Variants in FBXO25 observed in about 807,000 individuals in gnomAD.
The protein encoded by FBXO25 is F-box only protein 25.
A neutral mutation model predicts 51.9 loss-of-function variants in FBXO25; 45 were observed. The observed-to-expected ratio is 0.87, with a 90% CI of 0.68 to 1.11. The LOEUF (loss-of-function observed/expected upper bound fraction) is 1.11. Ranked by LOEUF, FBXO25 falls within the 50% of genes most tolerant of loss-of-function variation. The pLI is 0.00. For missense variants in FBXO25, 507 were observed against 428.5 expected (o/e 1.18, Z -1.62); for synonymous variants, 199 against 151.0 (o/e 1.32, Z -2.33).
At chr8:417,007 T>A (rs1444836903) in intron 2 of FBXO25, among the ~76,000 whole-genome samples, 1 of 152,120 alleles carries the variant, frequency 6.6e-6, no homozygotes, top group South Asian at 2.1e-4. Context: ...GAGAGCAGGA[T>A]GAATGGATAT....
chr8:434,672 A>G (rs993052719), intron 4 of FBXO25, among the ~76,000 whole-genome samples: 5 of 151,896 alleles, frequency 3.3e-5, no homozygotes, highest in African/African-American at 4.8e-5. Context: ...GTTTTCTATT[A>G]TTTTTTTCTA....
At chr8:429,187 A>C (rs1200479005) in intron 2 of FBXO25, among the ~76,000 whole-genome samples, 1 of 151,934 alleles carries the variant, frequency 6.6e-6, no homozygotes, top group East Asian at 1.9e-4. Context: ...GTTTCCCCAC[A>C]TGCATGTCAA....
chr8:453,845 G>A (rs934296531), intron 7 of FBXO25, among the ~76,000 whole-genome samples: 19 of 151,952 alleles, frequency 1.3e-4, no homozygotes, highest in Non-Finnish European at 1.9e-4. Flanking sequence ...ACCCCTGGCC[G>A]GGCGCGGTGG....
chr8:422,984 C>A (rs1482490039), intron 2 of FBXO25, among the ~76,000 whole-genome samples: 1 of 144,890 alleles, frequency 6.9e-6, no homozygotes, highest in Non-Finnish European at 1.5e-5. Flanking sequence ...AACTTATGCT[C>A]CATTTGGAAT....
intron 2 of FBXO25, among the ~76,000 whole-genome samples, chr8:418,930 G>C (rs750585367): frequency 6.6e-6 from 1 of 152,114 alleles, no homozygotes; most frequent in East Asian, 1.9e-4. Context: ...GGCTAAAACT[G>C]TAAAGTTTTA....
chr8:438,926 G>A (rs921726016), intron 5 of FBXO25, among the ~76,000 whole-genome samples: 6 of 152,188 alleles, frequency 3.9e-5, no homozygotes, highest in African/African-American at 1.4e-4. Flanking sequence ...CCCCATCCCA[G>A]TTGAGCCCCA....
chr8:416,377 T>G (rs1034834007), intron 2 of FBXO25, among the ~76,000 whole-genome samples: 1 of 152,374 alleles, frequency 6.6e-6, no homozygotes, highest in African/African-American at 2.4e-5. Flanking sequence ...TAGGTTGATT[T>G]AAAATTTTCA....
At chr8:462,858 C>A in intron 8 of FBXO25, 149 bp from the exon 9 acceptor site, 1 of 844,986 alleles carries the variant, frequency 1.2e-6, no homozygotes, top group Non-Finnish European at 1.8e-6. Context: ...ACAATTCATC[C>A]ATGTAACCAA....
At chr8:454,101 G>C (rs1027257158) in intron 7 of FBXO25, among the ~76,000 whole-genome samples, 3 of 152,044 alleles carry the variant, frequency 2.0e-5, no homozygotes, top group Non-Finnish European at 4.4e-5. Context: ...TCCAGCGTGG[G>C]CGACAAGAGT....
At chr8:437,882 T>C (rs1158579619) in intron 5 of FBXO25, among the ~76,000 whole-genome samples, 1 of 152,208 alleles carries the variant, frequency 6.6e-6, no homozygotes. Flanking sequence ...CTAAATAATT[T>C]GATTTTCCAT....
chr8:444,802 T>G (rs1255462120), intron 5 of FBXO25, among the ~76,000 whole-genome samples: 2 of 152,224 alleles, frequency 1.3e-5, no homozygotes, highest in African/African-American at 4.8e-5. Flanking sequence ...GCCATTATGT[T>G]ACAGTTGCTG....
chr8:468,332 C>G (rs1195754409), intron 9 of FBXO25: 2 of 914,178 alleles, frequency 2.2e-6, no homozygotes, highest in African/African-American at 3.6e-5. Flanking sequence ...GAGCCAGGAA[C>G]AGGAGGACAG....
Position 420,078 on chromosome 8 carries a change from A to G in FBXO25, c.134+6865A>G, listed in dbSNP as rs1378724755. Reference sequence around the variant, plus strand: ...ATTGTTAGGGAAACAAATGCAAGCAATCCGGAAGGTAAACACTGCAGCTAG... The same window carrying G: ...ATTGTTAGGGAAACAAATGCAAGCAGTCCGGAAGGTAAACACTGCAGCTAG... On this transcript the variant is annotated intron_variant, in intron 2 of 9. Coordinates refer to ENST00000350302, the MANE Select transcript of FBXO25 (RefSeq NM_183420.2). Among the ~76,000 whole-genome samples the G allele has an allele frequency of 2.0e-5, 3 of 152,070 alleles. No homozygotes were observed. In the East Asian group the frequency reaches 5.8e-4, roughly 29 times the overall value.
intron 5 of FBXO25, among the ~76,000 whole-genome samples, chr8:447,275 G>A (rs946529127): frequency 6.6e-6 from 1 of 152,124 alleles, no homozygotes; most frequent in Non-Finnish European, 1.5e-5. Flanking sequence ...AGCGGCTGGG[G>A]GAGAGAGTGG....
At chr8:407,306 G>A (rs1796212070) in intron 1 of FBXO25, 1 of 934,714 alleles carries the variant, frequency 1.1e-6, no homozygotes, top group African/African-American at 1.9e-5. Context: ...AGGTGGGGAC[G>A]GGGTTGTCGC....
At chr8:466,842 C>G (rs1001924091) in intron 9 of FBXO25, among the ~76,000 whole-genome samples, 1 of 152,194 alleles carries the variant, frequency 6.6e-6, no homozygotes, top group African/African-American at 2.4e-5. Context: ...CAAAGACTGA[C>G]TTCGATGGCC....
intron 7 of FBXO25, among the ~76,000 whole-genome samples, chr8:452,559 GTGA>G (rs1799164013): frequency 6.6e-6 from 1 of 152,242 alleles, no homozygotes; most frequent in Non-Finnish European, 1.5e-5. Flanking sequence ...ATCCGTGGTA[GTGA>G]TGTTCAGCAG....
At position 470,878 on chromosome 8, in the gene FBXO25, T is replaced by G. The variant is rs562501153; in HGVS notation, c.*2074T>G. On this transcript the variant is annotated 3_prime_UTR_variant, in exon 10 of 10. Transcript: ENST00000350302. ...CTTGTTTTTGGTAAATTACTTAATGTGGTATTTGCCTGTTTTTTGGGGTGG... is the reference window on the plus strand; with the variant it reads ...CTTGTTTTTGGTAAATTACTTAATGGGGTATTTGCCTGTTTTTTGGGGTGG... The G allele has an allele frequency of 6.6e-6, 1 of 152,356 alleles. No individual in the cohort carries two copies. Among genetic ancestry groups the G allele is most frequent in the Admixed American group, 6.5e-5 (1 of 15,308 alleles). The allele number at this position is 152,356 out of a possible 1,614,324, so 9.4% of individuals were successfully genotyped here.
intron 4 of FBXO25, 39 bp downstream of exon 4, chr8:432,974 G>C: frequency 6.6e-7 from 1 of 1,505,594 alleles, no homozygotes; most frequent in Non-Finnish European, 8.9e-7. Flanking sequence ...ATCTTGTATT[G>C]TTTCTGTTGA....
Sources: gnomAD v4.1 joint callset for allele counts (sites outside exome capture counted in the v4.1 genomes callset) on GRCh38, gnomAD v4.1.1 for gene constraint, MANE v1.5 for transcripts, NCBI Gene and HGNC (gene_info 2026-07-23, HGNC 2026-07-21) for gene names.